TIAM1: variants seen among roughly 807,000 people sequenced by gnomAD.
The protein encoded by TIAM1 is rho guanine nucleotide exchange factor TIAM1.
A neutral mutation model predicts 163.5 loss-of-function variants in TIAM1; 65 were observed. That is an observed-to-expected ratio of 0.40 (90% CI 0.33 to 0.49). The LOEUF (loss-of-function observed/expected upper bound fraction) is 0.49. TIAM1 is among the 20% of genes least tolerant of loss of function. TIAM1 has a pLI of 0.77. For missense variants in TIAM1, 1,789 were observed against 2,044.7 expected, an observed-to-expected ratio of 0.87 and a Z score of 2.41; for synonymous variants, 833 against 810.1, an observed-to-expected ratio of 1.03 and a Z score of -0.48.
chr21:31,509,281 G>C (rs1378300357), intron 1 of TIAM1, among the ~76,000 whole-genome samples: 1 of 152,136 alleles, frequency 6.6e-6, no homozygotes, highest in Non-Finnish European at 1.5e-5. Flanking sequence ...CACCCTGTTG[G>C]ATGGATCAGG....
At position 31,267,634 on chromosome 21, in the gene TIAM1, T is replaced by TA. The variant is rs933638439; in HGVS notation, c.-11-652dup. Among the ~76,000 whole-genome samples the TA allele has an allele frequency of 1.9e-3, 251 of 129,604 alleles. 1 individual carries two copies. Among genetic ancestry groups the TA allele is most frequent in the African/African-American group, 5.5e-3 (188 of 34,254 alleles). The allele number at this position is 129,604 out of a possible 152,430, so 85.0% of individuals were successfully genotyped here. A position where few individuals can be genotyped will look rare whatever the true frequency, so the allele number is the denominator to read the frequency against. ...TTCCTAGTAAATCAAAGTCAAAAAT[T>TA]AAAAAAAAAAAGCTTTGACCTTTAA... On this transcript the variant is annotated intron_variant, in intron 3 of 27. Transcript: ENST00000541036.
chr21:31,219,024 CTTTTTTT>C lies in TIAM1; in HGVS notation c.1996-1332_1996-1326del, dbSNP rs35555743. On this transcript the variant is annotated intron_variant, in intron 8 of 27. Coordinates refer to ENST00000541036, the MANE Select transcript of TIAM1 (RefSeq NM_001353694.2). ...TGCCAGCAACCCAGAGAAGCATTTC[CTTTTTTT>C]TTTTTTTTTTTTTTTTTTTTGACGG... Among the ~76,000 whole-genome samples the C allele has an allele frequency of 5.4e-4, 48 of 88,528 alleles. 2 individuals carry two copies. Among genetic ancestry groups the C allele is most frequent in the Admixed American group, 6.4e-4 (4 of 6,248 alleles). The allele number at this position is 88,528 out of a possible 152,430, so 58.1% of individuals were successfully genotyped here.
intron 2 of TIAM1, among the ~76,000 whole-genome samples, chr21:31,307,494 T>C (rs1315006773): frequency 5.3e-5 from 8 of 152,134 alleles, no homozygotes; most frequent in Admixed American, 5.2e-4. Context: ...TCAAAGGCCA[T>C]GCTGTCACAG....
chr21:31,233,068 CCAATGG>C (rs2088528799), intron 6 of TIAM1, among the ~76,000 whole-genome samples: 1 of 152,124 alleles, frequency 6.6e-6, no homozygotes, highest in African/African-American at 2.4e-5. Flanking sequence ...CTTCAACTAT[CCAATGG>C]CATGGAGGAC....
intron 1 of TIAM1, among the ~76,000 whole-genome samples, chr21:31,496,566 G>C (rs2147435187): frequency 6.6e-6 from 1 of 151,278 alleles, no homozygotes; most frequent in Non-Finnish European, 1.5e-5. Context: ...AAAAATTAAA[G>C]TCTGTGAAGT....
rs140185657 is a variant in TIAM1 at position 31,336,626 on chromosome 21, T to A, written c.-189+2617A>T. 3.8e-3 allele frequency among the ~76,000 whole-genome samples: 583 copies of A among 152,058 alleles called. 3 individuals carry two copies. Among genetic ancestry groups the A allele is most frequent in the African/African-American group, 0.013 (552 of 41,466 alleles). On this transcript the variant is annotated intron_variant, in intron 2 of 27. Transcript: ENST00000541036. The stretch of plus-strand genomic sequence containing the variant: ...TCCCAAAAAGAATCCCTTAACACTG[T>A]GGCACATGAGGCACAGGGCACAGTC...
In TIAM1 at chr21:31,199,925, A is replaced by C. The variant is rs533461320; in HGVS notation, c.2493+2983T>G. Among the ~76,000 whole-genome samples, 223 of 148,152 alleles carry C rather than the reference A, an allele frequency of 1.5e-3. 2 individuals are homozygous for C. Among genetic ancestry groups the C allele is most frequent in the South Asian group, 6.3e-3 (30 of 4,764 alleles). On this transcript the variant is annotated intron_variant, in intron 12 of 27. Coordinates refer to ENST00000541036, the MANE Select transcript of TIAM1 (RefSeq NM_001353694.2). The stretch of plus-strand genomic sequence containing the variant: ...AACATCACATTAAAAAAAAAAAAAA[A>C]CACACAAAAAATAAATAAAATAAAA...
At chr21:31,232,492 C>G (rs116218093) in intron 6 of TIAM1, among the ~76,000 whole-genome samples, 3 of 152,146 alleles carry the variant, frequency 2.0e-5, no homozygotes, top group African/African-American at 7.2e-5. Context: ...CAAGAGGAGA[C>G]GAACTCTCCA....
chr21:31,228,220 T>TAAAAAAA (rs71191197), intron 6 of TIAM1, among the ~76,000 whole-genome samples: 1 of 16,264 alleles, frequency 6.1e-5, no homozygotes, highest in Non-Finnish European at 1.3e-4. Flanking sequence ...CTCCTTTTTT[T>TAAAAAAA]AAAAAAAAAA....
chr21:31,309,056 T>C (rs766874442), intron 2 of TIAM1, among the ~76,000 whole-genome samples: 1 of 152,176 alleles, frequency 6.6e-6, no homozygotes. Flanking sequence ...CTCTGCACGA[T>C]ATACCGATCA....
chr21:31,528,619 A>G (rs2047863064), intron 1 of TIAM1, among the ~76,000 whole-genome samples: 1 of 151,980 alleles, frequency 6.6e-6, no homozygotes, highest in South Asian at 2.1e-4. Context: ...CCTGGGCAAC[A>G]TGGTGAAACC....
intron 13 of TIAM1, among the ~76,000 whole-genome samples, chr21:31,190,902 T>C (rs1001001862): frequency 1.3e-5 from 2 of 152,242 alleles, no homozygotes; most frequent in East Asian, 1.9e-4. Flanking sequence ...GTTTCTGTGT[T>C]TGTGCCGGCA....
At chr21:31,410,962 T>C (rs1487277302) in intron 2 of TIAM1, among the ~76,000 whole-genome samples, 1 of 152,166 alleles carries the variant, frequency 6.6e-6, no homozygotes, top group East Asian at 1.9e-4. Context: ...AAAGAGCCCC[T>C]GAAAAACATT....
chr21:31,539,124 G>GCA (rs745456671), intron 1 of TIAM1, among the ~76,000 whole-genome samples: 5 of 152,112 alleles, frequency 3.3e-5, no homozygotes, highest in South Asian at 2.1e-4. Flanking sequence ...GCCTCCAAGA[G>GCA]CACACACACA....
At position 31,210,674 on chromosome 21, in the gene TIAM1, A is replaced by G. The variant is rs1354036979; in HGVS notation, c.2218-459T>C. Among the ~76,000 whole-genome samples the G allele has an allele frequency of 3.4e-4, 28 of 82,880 alleles. 1 individual carries two copies. Among genetic ancestry groups the G allele is most frequent in the African/African-American group, 1.8e-3 (27 of 14,844 alleles). The allele number at this position is 82,880 out of a possible 152,430, so 54.4% of individuals were successfully genotyped here. A position where few individuals can be genotyped will look rare whatever the true frequency, so the allele number is the denominator to read the frequency against. ...GAAAGAAAGAAAGAAAGAAAAAGAA[A>G]GAAAGAAAGAAAAAGAAAGAAAGAA... On this transcript the variant is annotated intron_variant, in intron 10 of 27. Coordinates refer to ENST00000541036, the MANE Select transcript of TIAM1 (RefSeq NM_001353694.2).
At chr21:31,453,208 G>T in intron 2 of TIAM1, 1 of 263,732 alleles carries the variant, frequency 3.8e-6, no homozygotes. Context: ...TGCCTAGGAA[G>T]AGAATGTCTA....
At chr21:31,394,340 G>A (rs1274863873) in intron 2 of TIAM1, among the ~76,000 whole-genome samples, 1 of 152,202 alleles carries the variant, frequency 6.6e-6, no homozygotes, top group African/African-American at 2.4e-5. Flanking sequence ...TGGCTGCCAG[G>A]AGATGGGGGA....
intron 15 of TIAM1, among the ~76,000 whole-genome samples, chr21:31,173,548 G>C (rs1252357009): frequency 6.6e-6 from 1 of 151,812 alleles, no homozygotes; most frequent in Non-Finnish European, 1.5e-5. Flanking sequence ...GAGAGAGAGA[G>C]AGAGAAAAGA....
intron 3 of TIAM1, among the ~76,000 whole-genome samples, chr21:31,275,968 T>C (rs1354619384): frequency 1.3e-5 from 2 of 152,204 alleles, no homozygotes; most frequent in African/African-American, 2.4e-5. Flanking sequence ...TACCCTTCTA[T>C]GACTTGAAAA....
Sources: allele counts gnomAD v4.1 joint callset (sites outside exome capture counted in the v4.1 genomes callset), GRCh38; gene constraint gnomAD v4.1.1; transcripts MANE v1.5; gene names NCBI Gene and HGNC (gene_info 2026-07-23, HGNC 2026-07-21).